Variants in PCDHA4 observed in about 807,000 individuals in gnomAD.
PCDHA4 encodes the protein protocadherin alpha 4.
A neutral mutation model predicts 61.4 loss-of-function variants in PCDHA4; 49 were observed. The ratio of observed to expected loss-of-function variants is 0.80; its 90% confidence interval spans 0.63 to 1.01. PCDHA4 has a LOEUF of 1.01. Ranked by LOEUF, PCDHA4 falls within the 50% of genes least tolerant of loss-of-function variation. PCDHA4 has a pLI of 0.00. For synonymous variants in PCDHA4, 590 were observed against 550.3 expected (o/e 1.07, Z -1.01); for missense variants, 1,254 against 1,235.8 (o/e 1.01, Z -0.22).
intron 1 of PCDHA4, chr5:140,843,069 G>A (rs2150351711): frequency 5.6e-6 from 9 of 1,595,200 alleles, no homozygotes; most frequent in Admixed American, 1.7e-5. Flanking sequence ...CTGGTGCCGC[G>A]GTCTGTGGGC....
At chr5:140,945,935 G>T (rs2093863887) in intron 1 of PCDHA4, among the ~76,000 whole-genome samples, 1 of 151,964 alleles carries the variant, frequency 6.6e-6, no homozygotes, top group Admixed American at 6.6e-5. Flanking sequence ...GAGCAATGAT[G>T]TTTTTTATAT....
intron 1 of PCDHA4, chr5:140,867,037 T>C (rs1167495486): frequency 2.0e-5 from 3 of 152,162 alleles, no homozygotes; most frequent in African/African-American, 7.2e-5. Flanking sequence ...CTTTTATGAC[T>C]TGGCGTTTGT....
intron 1 of PCDHA4, among the ~76,000 whole-genome samples, chr5:140,880,775 ATGTT>A (rs1320602954): frequency 6.6e-6 from 1 of 152,230 alleles, no homozygotes; most frequent in Admixed American, 6.5e-5. Context: ...GCTAAAAAGA[ATGTT>A]AGAGGAGTAA....
chr5:140,827,967 C>A (rs1278523381), intron 1 of PCDHA4: 2 of 1,351,286 alleles, frequency 1.5e-6, no homozygotes, highest in African/African-American at 2.9e-5. Flanking sequence ...TCTATTACTG[C>A]ATCATTCCCT....
chr5:140,869,374 G>A, intron 1 of PCDHA4: 1 of 1,614,124 alleles, frequency 6.2e-7, no homozygotes, highest in Non-Finnish European at 8.5e-7. Context: ...TTCTCGGATC[G>A]ACCGCGAGGA....
chr5:140,870,472 C>G (rs782403878), intron 1 of PCDHA4: 4 of 1,614,240 alleles, frequency 2.5e-6, no homozygotes, highest in South Asian at 1.1e-5. Flanking sequence ...GTTCGCACAG[C>G]CCGAGTACAC....
chr5:140,876,087 G>A, intron 1 of PCDHA4: 4 of 1,613,922 alleles, frequency 2.5e-6, no homozygotes, highest in Non-Finnish European at 2.5e-6. Context: ...GAGAGCAAAC[G>A]CCAAAACTCA....
chr5:140,835,504 T>A (rs2150237021), intron 1 of PCDHA4: 1 of 1,613,936 alleles, frequency 6.2e-7, no homozygotes, highest in African/African-American at 1.3e-5. Flanking sequence ...TTGATTAGCG[T>A]GTTTGACCGA....
At chr5:141,003,913 T>C (rs1554259375) in intron 3 of PCDHA4, among the ~76,000 whole-genome samples, 1 of 152,206 alleles carries the variant, frequency 6.6e-6, no homozygotes, top group African/African-American at 2.4e-5. Flanking sequence ...GGGTCTTGAC[T>C]GCATCCTCAG....
At chr5:140,849,745 G>T (rs2150447816) in intron 1 of PCDHA4, 1 of 1,598,462 alleles carries the variant, frequency 6.3e-7, no homozygotes, top group Admixed American at 1.7e-5. Context: ...GACCGCGAGA[G>T]TGTGTCCGCC....
intron 1 of PCDHA4, chr5:140,816,812 C>T (rs1765998707): frequency 6.6e-6 from 1 of 151,610 alleles, no homozygotes; most frequent in Admixed American, 6.6e-5. Flanking sequence ...TTAAGATGCT[C>T]TAATCTTTTT....
chr5:140,904,552 T>C (rs1233525886), intron 1 of PCDHA4, among the ~76,000 whole-genome samples: 1 of 152,084 alleles, frequency 6.6e-6, no homozygotes, highest in Non-Finnish European at 1.5e-5. Flanking sequence ...TTTCATATAA[T>C]GACTTTTTTT....
At chr5:140,967,456 G>C in intron 1 of PCDHA4, 1 of 1,613,598 alleles carries the variant, frequency 6.2e-7, no homozygotes, top group Non-Finnish European at 8.5e-7. Context: ...TCACAGCCGT[G>C]GATGGGGGCA....
At chr5:140,936,552 T>C (rs1408956922) in intron 1 of PCDHA4, among the ~76,000 whole-genome samples, 5 of 152,234 alleles carry the variant, frequency 3.3e-5, no homozygotes, top group Admixed American at 3.3e-4. Flanking sequence ...AATGTAGAAG[T>C]CAAGATTTAT....
In PCDHA4 at chr5:140,902,185, T is replaced by TTC. The variant is rs370111655; in HGVS notation, c.2386-76750_2386-76749dup. On this transcript the variant is annotated intron_variant, in intron 1 of 3. Transcript: ENST00000530339. ...TTCTAATTTGGATGTCCTTTATGTC[T>TTC]TCTCTCTCTCTCTCTTTCTTTTTTT... Among the ~76,000 whole-genome samples the TTC allele has an allele frequency of 1.5e-3, 225 of 150,894 alleles. 1 individual carries two copies. The highest frequency in any genetic ancestry group is 2.6e-3 in the Admixed American group (40 of 15,130).
intron 1 of PCDHA4, among the ~76,000 whole-genome samples, chr5:140,872,146 T>C (rs1554166047): frequency 6.6e-6 from 1 of 152,134 alleles, no homozygotes; most frequent in African/African-American, 2.4e-5. Context: ...ACTCCATTAG[T>C]ATGACATGAT....
At chr5:140,835,268 G>A in intron 1 of PCDHA4, 5 of 1,609,704 alleles carry the variant, frequency 3.1e-6, no homozygotes, top group Non-Finnish European at 4.2e-6. Flanking sequence ...AGTTCCACAT[G>A]GACCCCTTAA....
intron 1 of PCDHA4, among the ~76,000 whole-genome samples, chr5:140,891,303 T>C (rs1007949282): frequency 6.6e-6 from 1 of 152,178 alleles, no homozygotes; most frequent in Non-Finnish European, 1.5e-5. Flanking sequence ...GGTATTTGAT[T>C]ACATGAGTAA....
At chr5:140,828,653 G>C in intron 1 of PCDHA4, 1 of 1,614,156 alleles carries the variant, frequency 6.2e-7, no homozygotes, top group Non-Finnish European at 8.5e-7. Context: ...AAACAGTGAT[G>C]ACAATAAACA....
Sources: allele counts gnomAD v4.1 joint callset (sites outside exome capture counted in the v4.1 genomes callset), GRCh38; gene constraint gnomAD v4.1.1; transcripts MANE v1.5; gene names NCBI Gene and HGNC (gene_info 2026-07-23, HGNC 2026-07-21).